PTCHD4: variants seen among roughly 807,000 people sequenced by gnomAD.
PTCHD4 encodes patched domain-containing protein 4.
A neutral mutation model predicts 58.1 loss-of-function variants in PTCHD4; 33 were observed. That is an observed-to-expected ratio of 0.57 (90% CI 0.43 to 0.76). The LOEUF is 0.76. PTCHD4 is among the 30% of genes least tolerant of loss of function. The pLI, the probability that PTCHD4 is intolerant of heterozygous loss-of-function variation, is 0.00. For synonymous variants in PTCHD4, 478 were observed against 409.6 expected (o/e 1.17, Z -2.02); for missense variants, 1,058 against 1,027.1 (o/e 1.03, Z -0.41).
intron 1 of PTCHD4, among the ~76,000 whole-genome samples, chr6:48,075,439 G>GGTT (rs1562040806): frequency 1.5e-5 from 2 of 136,768 alleles, no homozygotes; most frequent in Admixed American, 7.3e-5. Context: ...AGTTTTGTGG[G>GGTT]TTTTTTTTTT....
chr6:47,879,118 G>T lies in PTCHD4; in HGVS notation c.1717C>A (p.Gln573Lys). 7 of 1,612,374 alleles carry T rather than the reference G, an allele frequency of 4.3e-6. No homozygotes were observed. The highest frequency in any genetic ancestry group is 5.9e-6 in the Non-Finnish European group (7 of 1,179,652). Residue 573 changes from glutamine to lysine, a missense_variant, in exon 5 of 5, where the codon CAA becomes AAA. Coordinates refer to ENST00000339488, the MANE Select transcript of PTCHD4 (RefSeq NM_001384253.1). ...TCTGGCTTTTTTAAAAATGAGCTTT[G>T]CAGGACACTGATGAAGTCACTTTTG... The part of the protein sequence containing the change: ...NNKSDFISVL[Q>K]SSFLKKPEFQ...
intron 4 of PTCHD4, among the ~76,000 whole-genome samples, chr6:48,006,147 T>G (rs1011373951): frequency 1.3e-5 from 2 of 152,168 alleles, no homozygotes; most frequent in Non-Finnish European, 2.9e-5. Context: ...CAGAAATACT[T>G]CAGAGGGACC....
At chr6:48,009,189 GA>G in intron 3 of PTCHD4, 75 bp from the exon 4 acceptor site, 1 of 1,444,492 alleles carries the variant, frequency 6.9e-7, no homozygotes, top group East Asian at 2.4e-5. Flanking sequence ...CTAAGTGAAG[GA>G]GCACAAGGAA....
Position 47,859,727 on chromosome 6 carries a change from G to A in PTCHD4, c.*18576C>T, listed in dbSNP as rs1372247863. Among the ~76,000 whole-genome samples, 4 of 152,036 alleles carry A rather than the reference G, an allele frequency of 2.6e-5. No individual in the cohort carries two copies. Among genetic ancestry groups the A allele is most frequent in the African/African-American group, 9.7e-5 (4 of 41,432 alleles). On this transcript the variant is annotated 3_prime_UTR_variant, in exon 5 of 5. Transcript: ENST00000339488. ...CCATGACAAATATGAAAGAAGGGAG[G>A]AGATTTACTATATTTTCATGAGATT...
chr6:47,988,702 T>C (rs1181198811), intron 4 of PTCHD4, among the ~76,000 whole-genome samples: 1 of 152,208 alleles, frequency 6.6e-6, no homozygotes, highest in Non-Finnish European at 1.5e-5. Context: ...CTCTTGCTGC[T>C]GCCATGTGAA....
At chr6:47,932,818 C>A (rs1256540420) in intron 4 of PTCHD4, among the ~76,000 whole-genome samples, 1 of 152,182 alleles carries the variant, frequency 6.6e-6, no homozygotes, top group Non-Finnish European at 1.5e-5. Context: ...TGCCATTGGA[C>A]AAATTACTTC....
intron 4 of PTCHD4, chr6:47,900,169 AT>A (rs1232508329): frequency 6.6e-6 from 1 of 152,180 alleles, no homozygotes; most frequent in African/African-American, 2.4e-5. Flanking sequence ...CTGAATCAAA[AT>A]GCTAATACTA....
chr6:48,090,490 A>G (rs1765343561), intron 1 of PTCHD4, among the ~76,000 whole-genome samples: 1 of 152,186 alleles, frequency 6.6e-6, no homozygotes, highest in African/African-American at 2.4e-5. Context: ...TTTGCAGCAG[A>G]ATCATAGAGG....
intron 1 of PTCHD4, among the ~76,000 whole-genome samples, chr6:48,095,156 A>G (rs772369634): frequency 1.3e-5 from 2 of 152,230 alleles, no homozygotes; most frequent in Non-Finnish European, 2.9e-5. Flanking sequence ...TGTACTTTAT[A>G]CGTGTCTGTT....
rs75490856 is a variant in PTCHD4, at chr6:47,949,703, G to A, written c.898+58931C>T. The stretch of plus-strand genomic sequence containing the variant: ...AACTCCTCCTTTCTTTGATCCTTCA[G>A]AACAAACAGTGATACAGTCTCCCCT... On this transcript the variant is annotated intron_variant, in intron 4 of 4. Coordinates refer to ENST00000339488, the MANE Select transcript of PTCHD4 (RefSeq NM_001384253.1). Among the ~76,000 whole-genome samples, 1,387 of 151,936 alleles carry A rather than the reference G, an allele frequency of 9.1e-3. 33 individuals carry two copies. Among genetic ancestry groups the A allele is most frequent in the African/African-American group, 0.032 (1,319 of 41,420 alleles).
At position 47,875,377 on chromosome 6, in the gene PTCHD4, C is replaced by A. The variant is rs1763821511; in HGVS notation, c.*2926G>T. Among the ~76,000 whole-genome samples, 1 of 151,798 alleles carries A rather than the reference C, an allele frequency of 6.6e-6. No individual in the cohort carries two copies. ...ATATCTTAGGATGTATCTTAGTATT[C>A]AGGAAATGGAATTCTTGGAAACATC... On this transcript the variant is annotated 3_prime_UTR_variant, in exon 5 of 5. Transcript: ENST00000339488.
At chr6:47,976,590 G>C (rs1581961894) in intron 4 of PTCHD4, among the ~76,000 whole-genome samples, 2 of 151,888 alleles carry the variant, frequency 1.3e-5, no homozygotes, top group East Asian at 3.9e-4. Flanking sequence ...GGAGGCAGAG[G>C]TTGAAGTGAG....
At chr6:47,881,133 A>G (rs1249773971) in intron 4 of PTCHD4, among the ~76,000 whole-genome samples, 1 of 152,180 alleles carries the variant, frequency 6.6e-6, no homozygotes, top group Non-Finnish European at 1.5e-5. Flanking sequence ...AAAATCAACT[A>G]GTTTATGAAA....
At chr6:47,909,148 A>T (rs941689120) in intron 4 of PTCHD4, among the ~76,000 whole-genome samples, 1 of 152,186 alleles carries the variant, frequency 6.6e-6, no homozygotes, top group Non-Finnish European at 1.5e-5. Flanking sequence ...AAATAAATCT[A>T]GAAGGGAACT....
At chr6:47,910,640 T>G (rs906800868) in intron 4 of PTCHD4, among the ~76,000 whole-genome samples, 4 of 152,102 alleles carry the variant, frequency 2.6e-5, no homozygotes, top group Non-Finnish European at 5.9e-5. Flanking sequence ...GTCTACATAT[T>G]TTTTAAATCT....
intron 4 of PTCHD4, among the ~76,000 whole-genome samples, chr6:47,933,618 A>G (rs1159860693): frequency 1.3e-5 from 2 of 152,232 alleles, no homozygotes. Context: ...TTGGCCTAGT[A>G]GGTAGGGCAG....
At chr6:48,095,410 GCTGTGGCTCACGCCTGTAAT>G (rs1189664764) in intron 1 of PTCHD4, among the ~76,000 whole-genome samples, 2 of 152,144 alleles carry the variant, frequency 1.3e-5, no homozygotes, top group Non-Finnish European at 2.9e-5. Flanking sequence ...TAGGTCAGGC[GCTGTGGCTCACGCCTGTAAT>G]CCCAGCACTT....
rs1763666592 is a variant in PTCHD4 at position 47,869,715 on chromosome 6, T to C, written c.*8588A>G. Among the ~76,000 whole-genome samples the C allele has an allele frequency of 6.6e-6, 1 of 151,696 alleles. No individual in the cohort carries two copies. Among genetic ancestry groups the C allele is most frequent in the Admixed American group, 6.6e-5 (1 of 15,190 alleles). ...TTATTTTAATGTATGTATTCTTGAA[T>C]GTTTAAAGGATAAAAAATTACATTA... On this transcript the variant is annotated 3_prime_UTR_variant, in exon 5 of 5. Transcript: ENST00000339488.
intron 4 of PTCHD4, among the ~76,000 whole-genome samples, chr6:47,970,831 G>A (rs566317673): frequency 6.6e-6 from 1 of 152,296 alleles, no homozygotes; most frequent in Non-Finnish European, 1.5e-5. Flanking sequence ...TATTACAAAT[G>A]CAAATTTTCA....
Sources: allele counts gnomAD v4.1 joint callset (sites outside exome capture counted in the v4.1 genomes callset), GRCh38; gene constraint gnomAD v4.1.1; transcripts MANE v1.5; gene names NCBI Gene and HGNC (gene_info 2026-07-23, HGNC 2026-07-21).